Variants in COL4A2 observed in about 807,000 individuals in gnomAD.
The protein encoded by COL4A2 is collagen type IV alpha 2 chain, also known as collagen alpha-2(IV) chain.
Under a neutral mutation model 200.2 loss-of-function variants are expected in COL4A2, and 99 were observed. The ratio of observed to expected loss-of-function variants is 0.49; its 90% confidence interval spans 0.42 to 0.58. The LOEUF (loss-of-function observed/expected upper bound fraction) is 0.58. Ranked by LOEUF, COL4A2 falls within the 20% of genes least tolerant of loss-of-function variation. The pLI, the probability that COL4A2 is intolerant of heterozygous loss-of-function variation, is 0.00. For missense variants in COL4A2, 1,950 were observed against 2,314.1 expected (o/e 0.84, Z 3.23); for synonymous variants, 897 against 900.6 (o/e 1.00, Z 0.07).
rs182472953 is a variant in COL4A2 at position 110,447,005 on chromosome 13, A to G, written c.1078+141A>G. The G allele has an allele frequency of 5.7e-6, 3 of 523,374 alleles. No homozygotes were observed. In the Admixed American group the frequency reaches 1.1e-4, roughly 20 times the overall value. The allele number at this position is 523,374 out of a possible 1,614,324, so 32.4% of individuals were successfully genotyped here. A position where few individuals can be genotyped will look rare whatever the true frequency, so the allele number is the denominator to read the frequency against. ...TATAATAATAATAAAAAAAATAAAA[A>G]ATAAACCACGAAATTTAGAACATAA... On this transcript the variant is annotated intron_variant, in intron 18 of 47. Transcript: ENST00000360467.
chr13:110,379,398 T>TCC (rs1385971045), intron 4 of COL4A2, among the ~76,000 whole-genome samples: 1 of 152,200 alleles, frequency 6.6e-6, no homozygotes, highest in Admixed American at 6.5e-5. Flanking sequence ...CCTGCAAAAT[T>TCC]CCTTGGCATG....
intron 47 of COL4A2, among the ~76,000 whole-genome samples, chr13:110,511,718 G>A (rs919023343): frequency 6.6e-5 from 10 of 151,932 alleles, no homozygotes; most frequent in African/African-American, 1.4e-4. Flanking sequence ...TCTGCAGCAC[G>A]TCCTGGTGCC....
At chr13:110,402,452 A>G (rs1030058762) in intron 4 of COL4A2, among the ~76,000 whole-genome samples, 5 of 152,160 alleles carry the variant, frequency 3.3e-5, no homozygotes, top group Non-Finnish European at 7.4e-5. Context: ...CGCCTTCTGG[A>G]CACACTGGGG....
intron 47 of COL4A2, among the ~76,000 whole-genome samples, chr13:110,509,200 C>A: frequency 7.0e-6 from 1 of 143,872 alleles, no homozygotes; most frequent in African/African-American, 2.5e-5. Context: ...TGTCATAACT[C>A]CAGCTATATG....
At chr13:110,472,332 G>C (rs4771681) in intron 28 of COL4A2, among the ~76,000 whole-genome samples, 1 of 151,696 alleles carries the variant, frequency 6.6e-6, no homozygotes, top group Admixed American at 6.6e-5. Context: ...AGCCAGGATG[G>C]TCTCGATCTC....
intron 27 of COL4A2, 54 bp downstream of exon 27, chr13:110,467,150 A>ACTG: frequency 6.2e-7 from 1 of 1,607,178 alleles, no homozygotes; most frequent in Non-Finnish European, 8.5e-7. Context: ...ACATCTTCAC[A>ACTG]CTGCTGTGTC....
intron 4 of COL4A2, among the ~76,000 whole-genome samples, chr13:110,400,244 A>T (rs1392620213): frequency 6.6e-6 from 1 of 152,240 alleles, no homozygotes. Flanking sequence ...TGGTCTTCAG[A>T]TACCTACTAC....
Position 110,486,185 on chromosome 13 carries a change from G to T in COL4A2, c.3207+349G>T, listed in dbSNP as rs554934724. On this transcript the variant is annotated intron_variant, in intron 34 of 47. Transcript: ENST00000360467. ...GTGACACCAGGCCTGAGAGCCCATGGCCGAATCACAGCGTAGACCTGGGCC... is the reference window on the plus strand; with the variant it reads ...GTGACACCAGGCCTGAGAGCCCATGTCCGAATCACAGCGTAGACCTGGGCC... 3.3e-5 allele frequency among the ~76,000 whole-genome samples: 5 copies of T among 152,330 alleles called. No individual in the cohort carries two copies. In the South Asian group the frequency reaches 1.0e-3, roughly 32 times the overall value.
chr13:110,357,225 G>T (rs959114524), intron 3 of COL4A2, among the ~76,000 whole-genome samples: 12 of 152,064 alleles, frequency 7.9e-5, no homozygotes, highest in Admixed American at 7.9e-4. Flanking sequence ...GCAGGATGTC[G>T]ATGGTGGGGG....
chr13:110,307,729 A>G lies in COL4A2; in HGVS notation c.-44-131A>G. The G allele has an allele frequency of 3.7e-6, 3 of 801,994 alleles. No individual in the cohort carries two copies. Among genetic ancestry groups the G allele is most frequent in the Admixed American group, 3.1e-5 (1 of 32,080 alleles). 49.7% of individuals were successfully genotyped at this position (801,994 alleles called of 1,614,324 possible). A position where few individuals can be genotyped will look rare whatever the true frequency, so the allele number is the denominator to read the frequency against. ...TCCTTCTTTCCGGGTCGTGGGGGGG[A>G]CGGCCCTCCGGTCACCCCTGCATGC... is the stretch of plus-strand genomic sequence containing the variant. On this transcript the variant is annotated intron_variant, in intron 1 of 47. Transcript: ENST00000360467. The surrounding 1 kb of genome is among the most constrained non-coding windows in gnomAD (Gnocchi z 5.0).
At chr13:110,337,581 A>G (rs1446400024) in intron 3 of COL4A2, among the ~76,000 whole-genome samples, 1 of 152,216 alleles carries the variant, frequency 6.6e-6, no homozygotes, top group Non-Finnish European at 1.5e-5. Context: ...TTCACAAAGC[A>G]TGGCCCATGG....
At chr13:110,441,726 A>G (rs1435525309) in intron 16 of COL4A2, among the ~76,000 whole-genome samples, 1 of 152,152 alleles carries the variant, frequency 6.6e-6, no homozygotes, top group Non-Finnish European at 1.5e-5. Flanking sequence ...GCTGCTGTTA[A>G]TTTCCTACCA....
In COL4A2 at chr13:110,473,143, A is replaced by T. The variant is rs747216099; in HGVS notation, c.2418A>T (p.Gly806=). ...KGLPGDRGPP[G]FRGSQGMPGM... ...TTCCCGGAGACAGAGGCCCCCCTGG[A>T]TTCAGAGGTGAGTGCCCCATCGGGG... Residue 806 remains glycine (G), a synonymous_variant, in exon 29 of 48, where the codon GGA becomes GGT. Coordinates refer to ENST00000360467, the MANE Select transcript of COL4A2 (RefSeq NM_001846.4). 2.3e-5 allele frequency: 35 copies of T among 1,555,204 alleles called. No homozygotes were observed. Among genetic ancestry groups the T allele is most frequent in the Middle Eastern group, 3.7e-4 (2 of 5,456 alleles).
intron 41 of COL4A2, 71 bp from the exon 42 acceptor site, chr13:110,503,050 G>A: frequency 7.0e-7 from 1 of 1,432,398 alleles, no homozygotes; most frequent in Non-Finnish European, 9.6e-7. Flanking sequence ...ATGGGTGACG[G>A]TGCACCTGAC....
intron 41 of COL4A2, chr13:110,502,831 T>G (rs1594113002): frequency 3.1e-6 from 1 of 327,464 alleles, no homozygotes; most frequent in Non-Finnish European, 5.6e-6. Flanking sequence ...ACACGGGGAG[T>G]GCGTGTATAA....
At chr13:110,320,222 G>A (rs986582367) in intron 3 of COL4A2, among the ~76,000 whole-genome samples, 1 of 152,218 alleles carries the variant, frequency 6.6e-6, no homozygotes, top group South Asian at 2.1e-4. Context: ...GTGGCTAGGC[G>A]GGGCTGGCGG....
At chr13:110,325,712 A>G (rs1310905487) in intron 3 of COL4A2, among the ~76,000 whole-genome samples, 2 of 151,782 alleles carry the variant, frequency 1.3e-5, no homozygotes, top group Non-Finnish European at 2.9e-5. Flanking sequence ...CACGGAAGCT[A>G]CACTTTGCTT....
rs558127989 is a variant in COL4A2, at chr13:110,388,666, C to T, written c.180+31114C>T. On this transcript the variant is annotated intron_variant, in intron 4 of 47. Transcript: ENST00000360467. Reference sequence around the variant, plus strand: ...AAAATTATTTCACCCCTCACATATACGAGGGTTTGATTAGCTCACTGATTG... The same window carrying T: ...AAAATTATTTCACCCCTCACATATATGAGGGTTTGATTAGCTCACTGATTG... 2.0e-5 allele frequency among the ~76,000 whole-genome samples: 3 copies of T among 152,288 alleles called. No homozygotes were observed. In the South Asian group the frequency reaches 6.2e-4, roughly 32 times the overall value.
Position 110,380,634 on chromosome 13 carries a change from G to A in COL4A2, c.180+23082G>A, listed in dbSNP as rs530980690. Among the ~76,000 whole-genome samples the A allele has an allele frequency of 8.1e-4, 123 of 151,978 alleles. 1 individual carries two copies. Among genetic ancestry groups the A allele is most frequent in the African/African-American group, 2.7e-3 (111 of 41,442 alleles). On this transcript the variant is annotated intron_variant, in intron 4 of 47. Coordinates refer to ENST00000360467, the MANE Select transcript of COL4A2 (RefSeq NM_001846.4). ...TCATCGAACACCCACAGGGCTCTAC[G>A]TCACACCCACAAGCTCTATCTCACA... is the stretch of plus-strand genomic sequence containing the variant.
Sources: gnomAD v4.1 joint callset for allele counts (sites outside exome capture counted in the v4.1 genomes callset) on GRCh38, gnomAD v4.1.1 for gene constraint, Gnocchi (gnomAD v3.1) non-coding constraint, MANE v1.5 for transcripts, NCBI Gene and HGNC (gene_info 2026-07-23, HGNC 2026-07-21) for gene names.